The following UBA6 variants were observed in gnomAD, a reference collection of about 807,000 sequenced individuals.
The protein encoded by UBA6 is ubiquitin-like modifier-activating enzyme 6.
UBA6 carries 87 observed loss-of-function variants against 148.3 expected under a neutral mutation model. The observed-to-expected ratio is 0.59, with a 90% confidence interval of 0.49 to 0.70. The LOEUF (loss-of-function observed/expected upper bound fraction) is 0.70. Among genes scored for constraint, UBA6 ranks in the 30% least tolerant of loss-of-function variants. The probability of loss-of-function intolerance (pLI) is 0.00; values close to 1 mark genes in which losing one functional copy is unlikely to be tolerated. For synonymous variants in UBA6, 376 were observed against 401.0 expected, an observed-to-expected ratio of 0.94 and a Z score of 0.75; for missense variants, 1,186 against 1,241.2, an observed-to-expected ratio of 0.96 and a Z score of 0.67.
At chr4:67,680,626 T>C (rs1236412050) in intron 4 of UBA6, among the ~76,000 whole-genome samples, 1 of 152,236 alleles carries the variant, frequency 6.6e-6, no homozygotes, top group Non-Finnish European at 1.5e-5. Flanking sequence ...AGACATTTGA[T>C]GACTGTGGTA....
At chr4:67,688,294 G>GC (rs1314150859) in intron 2 of UBA6, among the ~76,000 whole-genome samples, 1 of 152,094 alleles carries the variant, frequency 6.6e-6, no homozygotes, top group Non-Finnish European at 1.5e-5. Context: ...ACCAAGCCTG[G>GC]AGTCCTAAAT....
At chr4:67,627,428 G>T (rs1728893395) in intron 27 of UBA6, among the ~76,000 whole-genome samples, 1 of 151,824 alleles carries the variant, frequency 6.6e-6, no homozygotes, top group Non-Finnish European at 1.5e-5. Flanking sequence ...AAATTGCTCA[G>T]GAGAATTTAT....
chr4:67,678,770 G>A (rs997373328), intron 4 of UBA6, among the ~76,000 whole-genome samples: 1 of 152,150 alleles, frequency 6.6e-6, no homozygotes, highest in Admixed American at 6.5e-5. Context: ...TATTGGTGAT[G>A]GTGAGGTGAA....
At chr4:67,654,862 G>GAAAAAAAAAA (rs141234627) in intron 13 of UBA6, among the ~76,000 whole-genome samples, 1 of 132,168 alleles carries the variant, frequency 7.6e-6, no homozygotes, top group African/African-American at 2.9e-5. Context: ...CAAATGGAAA[G>GAAAAAAAAAA]AAAAAAAAAA....
chr4:67,686,952 TAAAAAAAAAAA>T (rs546442640), intron 2 of UBA6, among the ~76,000 whole-genome samples: 78 of 57,178 alleles, frequency 1.4e-3, no homozygotes, highest in Middle Eastern at 9.4e-3. Flanking sequence ...ATCCTGTCTC[TAAAAAAAAAAA>T]AAAAAAAAAA....
At chr4:67,637,329 C>A (rs1424346855) in intron 19 of UBA6, among the ~76,000 whole-genome samples, 3 of 150,234 alleles carry the variant, frequency 2.0e-5, no homozygotes, top group Non-Finnish European at 4.4e-5. Flanking sequence ...GGCCAGCCCC[C>A]ACCTGGCCAG....
At chr4:67,697,956 G>C (rs1011339841) in intron 1 of UBA6, among the ~76,000 whole-genome samples, 4 of 152,158 alleles carry the variant, frequency 2.6e-5, no homozygotes, top group African/African-American at 7.2e-5. Context: ...CTATGCTTGA[G>C]AGGGCCAATG....
chr4:67,697,642 TCTTG>T (rs1391964457), intron 1 of UBA6, among the ~76,000 whole-genome samples: 3 of 152,218 alleles, frequency 2.0e-5, no homozygotes, highest in Admixed American at 6.5e-5. Context: ...CTAGGGATCT[TCTTG>T]CTTAAATCAT....
chr4:67,630,785 C>T (rs559860074), intron 25 of UBA6, among the ~76,000 whole-genome samples: 150 of 151,992 alleles, frequency 9.9e-4, no homozygotes, highest in African/African-American at 3.5e-3. Context: ...ATCATGACTA[C>T]CTTGGGAAGA....
rs759331933 is a variant in UBA6, at chr4:67,662,154, CAAAT to C, written c.1104+31_1104+34del. 3 of 1,596,896 alleles carry C rather than the reference CAAAT, an allele frequency of 1.9e-6. No homozygotes were observed. In the African/African-American group the frequency reaches 4.0e-5, roughly 21 times the overall value. Reference sequence around the variant, plus strand: ...TACAGAACACTTATGTATTAACAAACAAATATTCGGACAGCCATAAATTTCAATA... The same window carrying C: ...TACAGAACACTTATGTATTAACAAACATTCGGACAGCCATAAATTTCAATA... On this transcript the variant is annotated intron_variant, in intron 13 of 32. Transcript: ENST00000322244.
At chr4:67,679,367 A>G (rs1383267598) in intron 4 of UBA6, among the ~76,000 whole-genome samples, 3 of 152,146 alleles carry the variant, frequency 2.0e-5, no homozygotes, top group African/African-American at 7.2e-5. Flanking sequence ...AAAAAATCTG[A>G]CTTTGAATCA....
intron 7 of UBA6, among the ~76,000 whole-genome samples, chr4:67,670,879 C>T (rs1412981231): frequency 2.6e-5 from 4 of 152,044 alleles, no homozygotes; most frequent in Non-Finnish European, 5.9e-5. Context: ...AAATTTTGTG[C>T]TTGTCACAAA....
In UBA6 at chr4:67,701,094, G is replaced by T. The variant is rs772753860; in HGVS notation, c.26C>A (p.Ala9Asp). 20 of 1,613,612 alleles carry T rather than the reference G, an allele frequency of 1.2e-5. No individual in the cohort carries two copies. The highest frequency in any genetic ancestry group is 1.6e-5 in the Non-Finnish European group (19 of 1,179,826). MEGSEPVA[A>D]HQGEEASCSS... ...ACAGGACGCCTCTTCCCCCTGATGGGCGGCCACAGGCTCGGATCCTTCCAT... is the reference window on the plus strand; with the variant it reads ...ACAGGACGCCTCTTCCCCCTGATGGTCGGCCACAGGCTCGGATCCTTCCAT... The change falls in exon 1 of 33, where the codon GCC becomes GAC. Residue 9 changes from alanine (A) to aspartate (D), a missense_variant. Ala to Asp is a moderately radical substitution (Grantham distance 126). Coordinates refer to ENST00000322244, the MANE Select transcript of UBA6 (RefSeq NM_018227.6).
At chr4:67,694,536 C>A (rs563503899) in intron 2 of UBA6, among the ~76,000 whole-genome samples, 1 of 147,062 alleles carries the variant, frequency 6.8e-6, no homozygotes, top group Non-Finnish European at 1.5e-5. Context: ...GGATTACAGG[C>A]GCCCGCCACC....
chr4:67,650,628 T>C (rs1214947832), intron 13 of UBA6, among the ~76,000 whole-genome samples: 1 of 152,122 alleles, frequency 6.6e-6, no homozygotes, highest in Admixed American at 6.5e-5. Context: ...GAAAGACAGA[T>C]TGCAAACTCC....
intron 27 of UBA6, 21 bp from the exon 28 acceptor site, chr4:67,626,498 T>TCAAAGG: frequency 7.0e-7 from 1 of 1,434,658 alleles, no homozygotes; most frequent in Non-Finnish European, 9.7e-7. Context: ...ATGAATATAT[T>TCAAAGG]TTTATTAATG....
In UBA6 at chr4:67,622,892, G is replaced by A; in HGVS notation, c.2962C>T (p.Gln988Ter). 6.2e-7 allele frequency: 1 copy of A among 1,612,608 alleles called. No individual in the cohort carries two copies. Among genetic ancestry groups the A allele is most frequent in the Non-Finnish European group, 8.5e-7 (1 of 1,179,482 alleles). Residue 988 changes from glutamine to a stop codon, truncating the protein, a stop_gained, in exon 32 of 33, where the codon CAG becomes TAG. Transcript: ENST00000322244. LOFTEE classifies it high-confidence loss of function. ...GGAACATAAAGCATTTTGACTCCCT[G>A]TACCACCATTGTTGGCTCAATTCCA... Reference protein sequence around the residue: ...KYGIEPTMVVQGVKMLYVPVM... With the variant: ...KYGIEPTMVV
intron 32 of UBA6, among the ~76,000 whole-genome samples, chr4:67,620,128 T>C (rs1324161508): frequency 6.6e-6 from 1 of 152,202 alleles, no homozygotes; most frequent in Non-Finnish European, 1.5e-5. Context: ...CACCTCATAC[T>C]TGAGTCATTC....
At chr4:67,638,645 C>CA (rs1019698210) in intron 19 of UBA6, among the ~76,000 whole-genome samples, 4 of 151,986 alleles carry the variant, frequency 2.6e-5, no homozygotes, top group African/African-American at 9.7e-5. Flanking sequence ...AAAAGACAGC[C>CA]AAAAAACTGA....
Sources: allele counts gnomAD v4.1 joint callset (sites outside exome capture counted in the v4.1 genomes callset), GRCh38; gene constraint gnomAD v4.1.1; transcripts MANE v1.5; gene names NCBI Gene and HGNC (gene_info 2026-07-23, HGNC 2026-07-21).